The following PRKCA variants were observed in gnomAD, a reference collection of about 807,000 sequenced individuals.
PRKCA encodes protein kinase C alpha, also known as protein kinase C alpha type.
Under a neutral mutation model 87.0 loss-of-function variants are expected in PRKCA, and 27 were observed. The observed-to-expected ratio is 0.31, with a 90% CI of 0.23 to 0.43. The LOEUF (loss-of-function observed/expected upper bound fraction) is 0.43. Among genes scored for constraint, PRKCA ranks in the 20% least tolerant of loss-of-function variants. The probability of loss-of-function intolerance (pLI) is 1.00; values close to 1 mark genes in which losing one functional copy is unlikely to be tolerated. For synonymous variants in PRKCA, 329 were observed against 311.1 expected (o/e 1.06, Z -0.61); for missense variants, 518 against 852.3 (o/e 0.61, Z 4.88).
chr17:66,686,730 G>C lies in PRKCA; in HGVS notation c.530-381G>C, dbSNP rs61762408. ...TGGGCTGGTCGCTTCCATGCAGGGA[G>C]GGTGCACCATTACTCCTGGGGAGCT... On this transcript the variant is annotated intron_variant, in intron 5 of 16. Coordinates refer to ENST00000413366, the MANE Select transcript of PRKCA (RefSeq NM_002737.3). 2.3e-3 allele frequency among the ~76,000 whole-genome samples: 349 copies of C among 152,292 alleles called. 1 individual carries two copies. Among genetic ancestry groups the C allele is most frequent in the African/African-American group, 7.9e-3 (328 of 41,570 alleles).
At chr17:66,661,893 A>G (rs562721552) in intron 5 of PRKCA, among the ~76,000 whole-genome samples, 17 of 152,172 alleles carry the variant, frequency 1.1e-4, no homozygotes, top group South Asian at 4.1e-4. Flanking sequence ...TTGGCCTTAA[A>G]CAACCTTCCC....
At chr17:66,330,104 ATTT>A (rs5821530) in intron 2 of PRKCA, among the ~76,000 whole-genome samples, 4,166 of 140,080 alleles carry the variant, frequency 0.03, 184 homozygotes, top group African/African-American at 0.1. Flanking sequence ...ATTTTCCTGG[ATTT>A]TTTTTTTTTT....
chr17:66,489,392 TA>T (rs1253156918), intron 2 of PRKCA, among the ~76,000 whole-genome samples: 2 of 123,698 alleles, frequency 1.6e-5, no homozygotes, highest in African/African-American at 6.1e-5. Flanking sequence ...TATATATATA[TA>T]TATTTCCCCC....
chr17:66,323,642 G>A (rs1905807168), intron 2 of PRKCA, among the ~76,000 whole-genome samples: 1 of 152,148 alleles, frequency 6.6e-6, no homozygotes, highest in Admixed American at 6.5e-5. Flanking sequence ...TGGAGTGGTA[G>A]AAAGAATTGC....
At chr17:66,630,055 T>C (rs4365321) in intron 3 of PRKCA, among the ~76,000 whole-genome samples, 18,363 of 152,194 alleles carry the variant, frequency 0.12, 1,216 homozygotes, top group South Asian at 0.2. Context: ...AAATAAATGT[T>C]TTAAATAACA....
intron 8 of PRKCA, among the ~76,000 whole-genome samples, chr17:66,715,130 G>GT (rs60727876): frequency 0.051 from 7,367 of 144,030 alleles, 193 homozygotes; most frequent in Non-Finnish European, 0.067. Context: ...TTGTTTTTTG[G>GT]TTTTTTTTTT....
chr17:66,466,015 C>G (rs936861944), intron 2 of PRKCA, among the ~76,000 whole-genome samples: 1 of 152,040 alleles, frequency 6.6e-6, no homozygotes, highest in African/African-American at 2.4e-5. Context: ...ATATAGTTCT[C>G]TGACATAGGA....
At chr17:66,496,507 C>T (rs991678155) in intron 3 of PRKCA, among the ~76,000 whole-genome samples, 1 of 152,132 alleles carries the variant, frequency 6.6e-6, no homozygotes, top group Non-Finnish European at 1.5e-5. Flanking sequence ...ATGTACTGTT[C>T]CACTTTGGGC....
intron 14 of PRKCA, among the ~76,000 whole-genome samples, chr17:66,778,810 A>C (rs1180391228): frequency 3.4e-5 from 5 of 148,796 alleles, no homozygotes; most frequent in African/African-American, 5.0e-5. Flanking sequence ...ACACCACTGC[A>C]CTCCAGCCTG....
At chr17:66,637,121 T>G (rs1006841) in intron 3 of PRKCA, among the ~76,000 whole-genome samples, 3 of 151,932 alleles carry the variant, frequency 2.0e-5, no homozygotes, top group African/African-American at 7.3e-5. Context: ...AACCTGAAGG[T>G]GCCATATGGC....
intron 16 of PRKCA, among the ~76,000 whole-genome samples, chr17:66,795,424 G>A (rs546909565): frequency 1.3e-5 from 2 of 152,318 alleles, no homozygotes; most frequent in South Asian, 4.2e-4. Context: ...AGCCATTGGA[G>A]ACTACAGAAG....
intron 2 of PRKCA, among the ~76,000 whole-genome samples, chr17:66,322,727 T>C (rs1905755140): frequency 6.6e-6 from 1 of 151,016 alleles, no homozygotes; most frequent in African/African-American, 2.4e-5. Context: ...TGTCTCGGCA[T>C]CCCACAGTAG....
intron 8 of PRKCA, among the ~76,000 whole-genome samples, chr17:66,694,767 TAAAA>T (rs746908582): frequency 6.8e-5 from 8 of 117,484 alleles, no homozygotes; most frequent in African/African-American, 1.6e-4. Flanking sequence ...TTCCAATGGT[TAAAA>T]AAAAAAAAAA....
intron 2 of PRKCA, among the ~76,000 whole-genome samples, chr17:66,443,609 C>T (rs1490209897): frequency 1.3e-5 from 2 of 152,132 alleles, no homozygotes; most frequent in Non-Finnish European, 2.9e-5. Flanking sequence ...GAAACTGAGT[C>T]CACACACAGC....
intron 2 of PRKCA, among the ~76,000 whole-genome samples, chr17:66,481,254 G>A (rs1028531844): frequency 2.6e-5 from 4 of 152,128 alleles, no homozygotes; most frequent in African/African-American, 7.2e-5. Context: ...GCCCCTGAGC[G>A]AAGTTGATCT....
chr17:66,686,561 G>C (rs895086822), intron 5 of PRKCA, among the ~76,000 whole-genome samples: 3 of 152,130 alleles, frequency 2.0e-5, no homozygotes, highest in Non-Finnish European at 4.4e-5. Context: ...TTAATTCTGG[G>C]GATTAGAATT....
chr17:66,400,409 C>A (rs763670391), intron 2 of PRKCA, among the ~76,000 whole-genome samples: 3 of 152,218 alleles, frequency 2.0e-5, no homozygotes, highest in Non-Finnish European at 4.4e-5. Context: ...GCCTTGGCCT[C>A]CCCAAGTGCT....
intron 2 of PRKCA, among the ~76,000 whole-genome samples, chr17:66,428,169 G>T (rs1276680604): frequency 6.6e-6 from 1 of 152,160 alleles, no homozygotes; most frequent in African/African-American, 2.4e-5. Flanking sequence ...GGCTGATGTT[G>T]CATGAAGGTT....
chr17:66,349,530 T>C (rs1411981940), intron 2 of PRKCA, among the ~76,000 whole-genome samples: 1 of 152,188 alleles, frequency 6.6e-6, no homozygotes, highest in African/African-American at 2.4e-5. Flanking sequence ...CTTCTGGCTT[T>C]TCATTTTTCT....
Sources: allele counts gnomAD v4.1 joint callset (sites outside exome capture counted in the v4.1 genomes callset), GRCh38; gene constraint gnomAD v4.1.1; transcripts MANE v1.5; gene names NCBI Gene and HGNC (gene_info 2026-07-23, HGNC 2026-07-21).